Variants in MAPKAPK5 observed in about 807,000 individuals in gnomAD.
MAPKAPK5 encodes MAP kinase-activated protein kinase 5.
Under a neutral mutation model 65.1 loss-of-function variants are expected in MAPKAPK5, and 30 were observed. The ratio of observed to expected loss-of-function variants is 0.46; its 90% CI spans 0.34 to 0.63. The LOEUF (loss-of-function observed/expected upper bound fraction) is 0.63, where lower values mean the gene tolerates loss of function less well. Ranked by LOEUF, MAPKAPK5 falls within the 20% of genes least tolerant of loss-of-function variation. The pLI is 0.01. For missense variants in MAPKAPK5, 433 were observed against 581.4 expected (o/e 0.74, Z 2.63); for synonymous variants, 179 against 204.6 (o/e 0.87, Z 1.07).
chr12:111,859,635 T>C (rs971053180), intron 1 of MAPKAPK5, among the ~76,000 whole-genome samples: 2 of 144,058 alleles, frequency 1.4e-5, no homozygotes, highest in Non-Finnish European at 1.5e-5. Flanking sequence ...TTTTTTTCTT[T>C]TCTTTTCTTT....
At chr12:111,880,843 T>C (rs2070179039) in intron 8 of MAPKAPK5, among the ~76,000 whole-genome samples, 1 of 152,202 alleles carries the variant, frequency 6.6e-6, no homozygotes, top group African/African-American at 2.4e-5. Flanking sequence ...AGGTTATTTT[T>C]TTGACTGTCC....
chr12:111,846,163 T>C (rs1444800969), intron 1 of MAPKAPK5, among the ~76,000 whole-genome samples: 2 of 152,244 alleles, frequency 1.3e-5, no homozygotes, highest in African/African-American at 4.8e-5. Flanking sequence ...TAGGATGTAC[T>C]GCTTTGGAAG....
At chr12:111,861,731 A>G (rs1010379731) in intron 1 of MAPKAPK5, among the ~76,000 whole-genome samples, 22 of 152,202 alleles carry the variant, frequency 1.4e-4, no homozygotes, top group African/African-American at 5.3e-4. Flanking sequence ...CTTTCTCTGT[A>G]AAGGGTGATA....
chr12:111,889,938 A>C, intron 12 of MAPKAPK5, 102 bp from the exon 13 acceptor site: 1 of 718,626 alleles, frequency 1.4e-6, no homozygotes, highest in Admixed American at 2.2e-5. Flanking sequence ...ACATTCAGTC[A>C]ACATTTTTCA....
intron 7 of MAPKAPK5, among the ~76,000 whole-genome samples, chr12:111,871,403 G>A (rs2069779121): frequency 6.6e-6 from 1 of 152,138 alleles, no homozygotes; most frequent in African/African-American, 2.4e-5. Context: ...CACTTTGGGA[G>A]GCTGAGGCGG....
chr12:111,854,968 G>A (rs1192267236), intron 1 of MAPKAPK5, among the ~76,000 whole-genome samples: 1 of 152,132 alleles, frequency 6.6e-6, no homozygotes, highest in African/African-American at 2.4e-5. Flanking sequence ...CTTGTTACAG[G>A]TCTATTCAGG....
Position 111,900,989 on chromosome 12 carries a change from T to G in MAPKAPK5, c.*7928T>G, listed in dbSNP as rs1376935030. The G allele has an allele frequency of 4.4e-6, 2 of 455,986 alleles. No homozygotes were observed. The highest frequency in any genetic ancestry group is 8.8e-6 in the Non-Finnish European group (2 of 226,808). 28.2% of individuals were successfully genotyped at this position (455,986 alleles called of 1,614,324 possible). A position where few individuals can be genotyped will look rare whatever the true frequency, so the allele number is the denominator to read the frequency against. On this transcript the variant is annotated 3_prime_UTR_variant, in exon 14 of 14. Transcript: ENST00000550735. Reference sequence around the variant, plus strand: ...GAAACTGTGGCATTTCTACCAGTCCTGGGTCACAATATGTTCGGTGTTCAG... The same window carrying G: ...GAAACTGTGGCATTTCTACCAGTCCGGGGTCACAATATGTTCGGTGTTCAG...
chr12:111,877,616 A>G (rs1193861572), intron 7 of MAPKAPK5, among the ~76,000 whole-genome samples: 5 of 152,142 alleles, frequency 3.3e-5, no homozygotes, highest in Non-Finnish European at 5.9e-5. Context: ...TGTATTTACA[A>G]AATTGGGTTG....
At chr12:111,870,154 G>A in intron 5 of MAPKAPK5, 117 bp from the exon 6 acceptor site, 1 of 526,456 alleles carries the variant, frequency 1.9e-6, no homozygotes, top group Non-Finnish European at 3.3e-6. Flanking sequence ...CTTTAAAATT[G>A]AAAGTGAACG....
rs372669985 is a variant in MAPKAPK5 at position 111,886,667 on chromosome 12, T to G, written c.969+631T>G. Among the ~76,000 whole-genome samples the G allele has an allele frequency of 2.0e-5, 3 of 152,218 alleles. No homozygotes were observed. The East Asian group carries it at 5.8e-4, about 29-fold the overall frequency. ...CATCATCGGGAAAAATAATTTGGCC[T>G]CACTAATGGGAAGTTAATGAGATGG... On this transcript the variant is annotated intron_variant, in intron 10 of 13. Coordinates refer to ENST00000550735, the MANE Select transcript of MAPKAPK5 (RefSeq NM_003668.4).
intron 7 of MAPKAPK5, among the ~76,000 whole-genome samples, chr12:111,873,572 T>G (rs2069855597): frequency 6.6e-6 from 1 of 152,134 alleles, no homozygotes. Flanking sequence ...CTTGATCTCT[T>G]GACCTCGTGA....
At chr12:111,848,793 G>A (rs1437113960) in intron 1 of MAPKAPK5, among the ~76,000 whole-genome samples, 2 of 151,640 alleles carry the variant, frequency 1.3e-5, no homozygotes, top group South Asian at 2.1e-4. Context: ...GCAGTGGTAC[G>A]ACCTTGGCTC....
intron 1 of MAPKAPK5, among the ~76,000 whole-genome samples, chr12:111,852,423 GAA>G (rs1230808498): frequency 6.6e-6 from 1 of 152,120 alleles, no homozygotes; most frequent in African/African-American, 2.4e-5. Flanking sequence ...TCCACTTAAT[GAA>G]TAGCAAATAT....
At chr12:111,867,788 C>G (rs530957351) in intron 4 of MAPKAPK5, 119 bp downstream of exon 4, 1 of 732,160 alleles carries the variant, frequency 1.4e-6, no homozygotes, top group Non-Finnish European at 2.3e-6. Context: ...CCCTCGCTTC[C>G]TCTGCCCTTC....
At chr12:111,876,560 G>A (rs1566259264) in intron 7 of MAPKAPK5, among the ~76,000 whole-genome samples, 1 of 151,854 alleles carries the variant, frequency 6.6e-6, no homozygotes, top group Non-Finnish European at 1.5e-5. Flanking sequence ...GGATCTGTTG[G>A]TTTATGGTGT....
chr12:111,854,304 T>C (rs4767072), intron 1 of MAPKAPK5, among the ~76,000 whole-genome samples: 40,400 of 151,342 alleles, frequency 0.27, 7,048 homozygotes, highest in East Asian at 0.85. Context: ...TGCAGTGGCA[T>C]GATCTCAGCT....
chr12:111,878,012 T>C lies in MAPKAPK5; in HGVS notation c.580-2435T>C, dbSNP rs2339903. Among the ~76,000 whole-genome samples the C allele has an allele frequency of 0.056, 8,441 of 151,970 alleles. 1,302 individuals are homozygous for C. In the East Asian group the frequency reaches 0.61, roughly 11 times the overall value. On this transcript the variant is annotated intron_variant, in intron 7 of 13. Coordinates refer to ENST00000550735, the MANE Select transcript of MAPKAPK5 (RefSeq NM_003668.4). ...CAGCTGACTCTGACTCTTTTTTTTT[T>C]TTTTTTTAAACTCTCCCAGGTTGTC...
intron 1 of MAPKAPK5, among the ~76,000 whole-genome samples, chr12:111,845,161 G>A (rs2068867567): frequency 6.6e-6 from 1 of 152,012 alleles, no homozygotes; most frequent in African/African-American, 2.4e-5. Context: ...GTCTCACTCT[G>A]TCACCCAGGC....
In MAPKAPK5 at chr12:111,845,980, A is replaced by G. The variant is rs148778261; in HGVS notation, c.36+3211A>G. ...AATGAATATTAGCTCATAGCAACTT[A>G]AGGGTGCTTTAGAAAGAGTTGTTTT... On this transcript the variant is annotated intron_variant, in intron 1 of 13. Coordinates refer to ENST00000550735, the MANE Select transcript of MAPKAPK5 (RefSeq NM_003668.4). Among the ~76,000 whole-genome samples the G allele has an allele frequency of 1.6e-3, 241 of 152,282 alleles. 1 individual carries two copies. The highest frequency in any genetic ancestry group is 5.0e-3 in the African/African-American group (208 of 41,538).
Sources: gnomAD v4.1 joint callset for allele counts (sites outside exome capture counted in the v4.1 genomes callset) on GRCh38, gnomAD v4.1.1 for gene constraint, MANE v1.5 for transcripts, NCBI Gene and HGNC (gene_info 2026-07-23, HGNC 2026-07-21) for gene names.